The following DPYD variants were observed in gnomAD, a reference collection of about 807,000 sequenced individuals.
DPYD encodes the protein dihydropyrimidine dehydrogenase [NADP(+)].
Under a neutral mutation model 116.2 loss-of-function variants are expected in DPYD, and 109 were observed. The observed-to-expected ratio is 0.94, with a 90% confidence interval of 0.80 to 1.10. DPYD has a LOEUF of 1.10. DPYD is among the 50% of genes least tolerant of loss of function. DPYD has a pLI of 0.00. For synonymous variants in DPYD, 440 were observed against 432.0 expected (o/e 1.02, Z -0.23); for missense variants, 1,302 against 1,254.5 (o/e 1.04, Z -0.57).
At chr1:97,235,819 TC>T (rs1315413322) in intron 18 of DPYD, among the ~76,000 whole-genome samples, 1 of 152,118 alleles carries the variant, frequency 6.6e-6, no homozygotes, top group Non-Finnish European at 1.5e-5. Flanking sequence ...TATATGTACT[TC>T]CCACAATTTG....
At chr1:97,756,317 C>G (rs1396805561) in intron 3 of DPYD, among the ~76,000 whole-genome samples, 1 of 152,124 alleles carries the variant, frequency 6.6e-6, no homozygotes, top group Admixed American at 6.6e-5. Flanking sequence ...TACACAATGA[C>G]TTGGCAATCA....
intron 16 of DPYD, among the ~76,000 whole-genome samples, chr1:97,314,678 A>C (rs1380695219): frequency 6.6e-6 from 1 of 151,732 alleles, no homozygotes; most frequent in East Asian, 2.0e-4. Context: ...TCAGCCCTGA[A>C]AGCTGTTCAA....
At position 97,721,756 on chromosome 1, in the gene DPYD, T is replaced by G. The variant is rs899915504; in HGVS notation, c.322-85A>C. 7.0e-6 allele frequency: 9 copies of G among 1,292,856 alleles called. No homozygotes were observed. The African/African-American group carries it at 1.2e-4, about 17-fold the overall frequency. 80.1% of individuals were successfully genotyped at this position (1,292,856 alleles called of 1,614,324 possible). On this transcript the variant is annotated intron_variant, in intron 4 of 22. Coordinates refer to ENST00000370192, the MANE Select transcript of DPYD (RefSeq NM_000110.4). The stretch of plus-strand genomic sequence containing the variant: ...TTACGACAAACATTATTTCTTCTAC[T>G]AGGTAATCAGATTGAAGATAATGAT...
chr1:97,139,454 G>T (rs1040706575), intron 20 of DPYD, among the ~76,000 whole-genome samples: 1 of 152,080 alleles, frequency 6.6e-6, no homozygotes, highest in Non-Finnish European at 1.5e-5. Context: ...ACACTCATAA[G>T]TTTAGATATG....
intron 16 of DPYD, among the ~76,000 whole-genome samples, chr1:97,362,161 C>G (rs897340645): frequency 6.6e-6 from 1 of 152,148 alleles, no homozygotes; most frequent in African/African-American, 2.4e-5. Context: ...ACACCAATAA[C>G]GGACAAACAG....
At chr1:97,475,778 G>A (rs916683625) in intron 13 of DPYD, among the ~76,000 whole-genome samples, 4 of 152,102 alleles carry the variant, frequency 2.6e-5, no homozygotes, top group African/African-American at 9.7e-5. Context: ...GCTGACCCCT[G>A]CTCTAGCCTC....
At chr1:97,123,845 G>A (rs569318306) in intron 20 of DPYD, among the ~76,000 whole-genome samples, 4 of 151,740 alleles carry the variant, frequency 2.6e-5, no homozygotes, top group South Asian at 2.1e-4. Context: ...GCTGTGTTTC[G>A]GCAGACACCT....
intron 8 of DPYD, among the ~76,000 whole-genome samples, chr1:97,660,378 C>T (rs1659178521): frequency 6.6e-6 from 1 of 151,954 alleles, no homozygotes; most frequent in South Asian, 2.1e-4. Flanking sequence ...AACAATAAAA[C>T]TAATGTTCAA....
At chr1:97,170,288 C>T (rs1052799232) in intron 20 of DPYD, among the ~76,000 whole-genome samples, 2 of 152,132 alleles carry the variant, frequency 1.3e-5, no homozygotes, top group Non-Finnish European at 1.5e-5. Context: ...GTTTTCCTTG[C>T]TATTAAGTGT....
At chr1:97,323,632 T>C (rs1295568937) in intron 16 of DPYD, among the ~76,000 whole-genome samples, 14 of 60,154 alleles carry the variant, frequency 2.3e-4, no homozygotes, top group South Asian at 5.5e-4. Context: ...ACATATCATA[T>C]ATACATATAT....
intron 3 of DPYD, among the ~76,000 whole-genome samples, chr1:97,824,893 A>C (rs1179109099): frequency 2.0e-5 from 3 of 152,138 alleles, no homozygotes; most frequent in Non-Finnish European, 4.4e-5. Context: ...CAAGTATCAA[A>C]ATACTAACAA....
At chr1:97,114,487 CT>C (rs1651826448) in intron 20 of DPYD, among the ~76,000 whole-genome samples, 1 of 152,140 alleles carries the variant, frequency 6.6e-6, no homozygotes, top group African/African-American at 2.4e-5. Context: ...TGATTTCCCT[CT>C]TGTATTTCTC....
At chr1:97,437,859 T>C (rs1675553875) in intron 14 of DPYD, among the ~76,000 whole-genome samples, 1 of 152,014 alleles carries the variant, frequency 6.6e-6, no homozygotes, top group Non-Finnish European at 1.5e-5. Flanking sequence ...TAGTTTTAGG[T>C]TTCTCATTTA....
At chr1:97,875,985 T>C (rs1367080825) in intron 2 of DPYD, among the ~76,000 whole-genome samples, 1 of 152,030 alleles carries the variant, frequency 6.6e-6, no homozygotes, top group Non-Finnish European at 1.5e-5. Context: ...ACGGGGTTTT[T>C]CTCAAATCAA....
At chr1:97,816,000 T>A (rs1480446308) in intron 3 of DPYD, among the ~76,000 whole-genome samples, 1 of 152,150 alleles carries the variant, frequency 6.6e-6, no homozygotes, top group Non-Finnish European at 1.5e-5. Context: ...TCACAACAGC[T>A]GTCACCAAAT....
chr1:97,400,837 C>T (rs973178057), intron 14 of DPYD, among the ~76,000 whole-genome samples: 2 of 152,140 alleles, frequency 1.3e-5, no homozygotes, highest in Middle Eastern at 3.2e-3. Flanking sequence ...ATTCTTCTCT[C>T]TTTTCTTCTT....
At chr1:97,736,323 ATAAT>A (rs1428762917) in intron 4 of DPYD, among the ~76,000 whole-genome samples, 3 of 151,942 alleles carry the variant, frequency 2.0e-5, no homozygotes, top group African/African-American at 7.2e-5. Context: ...CCTGAATTCT[ATAAT>A]TAGTGAAAAA....
chr1:97,416,823 C>T (rs1012142666), intron 14 of DPYD, among the ~76,000 whole-genome samples: 4 of 152,164 alleles, frequency 2.6e-5, no homozygotes, highest in African/African-American at 7.2e-5. Flanking sequence ...AGGTGCTCAT[C>T]GAACCCCCTT....
intron 14 of DPYD, among the ~76,000 whole-genome samples, chr1:97,433,641 G>C (rs1675303188): frequency 1.3e-5 from 2 of 152,086 alleles, no homozygotes; most frequent in African/African-American, 4.8e-5. Context: ...AGTCCTGCCT[G>C]AATTTCAAAG....
Sources: gnomAD v4.1 joint callset for allele counts (sites outside exome capture counted in the v4.1 genomes callset) on GRCh38, gnomAD v4.1.1 for gene constraint, MANE v1.5 for transcripts, NCBI Gene and HGNC (gene_info 2026-07-23, HGNC 2026-07-21) for gene names.